Variants in KCNAB1 observed in about 807,000 individuals in gnomAD.
KCNAB1 encodes voltage-gated potassium channel subunit beta-1.
In KCNAB1, 35 loss-of-function variants were observed where a neutral mutation model predicts 64.6. The observed-to-expected ratio is 0.54, with a 90% CI of 0.41 to 0.72. The LOEUF (loss-of-function observed/expected upper bound fraction) is 0.72, where lower values mean the gene tolerates loss of function less well. Among genes scored for constraint, KCNAB1 ranks in the 30% least tolerant of loss-of-function variants. KCNAB1 has a pLI of 0.00. For synonymous variants in KCNAB1, 177 were observed against 183.8 expected (o/e 0.96, Z 0.30); for missense variants, 401 against 512.9 (o/e 0.78, Z 2.11).
intron 1 of KCNAB1, among the ~76,000 whole-genome samples, chr3:156,386,659 C>A (rs905984802): frequency 8.5e-5 from 13 of 152,218 alleles, no homozygotes; most frequent in African/African-American, 3.1e-4. Flanking sequence ...TGTCTAACTA[C>A]CTGTAACATG....
At chr3:156,258,831 A>C (rs1417950333) in intron 1 of KCNAB1, among the ~76,000 whole-genome samples, 1 of 152,198 alleles carries the variant, frequency 6.6e-6, no homozygotes, top group African/African-American at 2.4e-5. Flanking sequence ...ACAGACAACT[A>C]TATTGCTATA....
At chr3:156,354,120 G>GTATGTATATATA (rs1553851348) in intron 1 of KCNAB1, among the ~76,000 whole-genome samples, 7 of 132,562 alleles carry the variant, frequency 5.3e-5, no homozygotes, top group Non-Finnish European at 1.1e-4. Flanking sequence ...ATGTGTGTGT[G>GTATGTATATATA]TATATATATA....
intron 1 of KCNAB1, among the ~76,000 whole-genome samples, chr3:156,201,983 G>T (rs370915201): frequency 6.6e-6 from 1 of 152,118 alleles, no homozygotes; most frequent in African/African-American, 2.4e-5. Context: ...CCACAGAGGC[G>T]AGCAGACCAA....
At chr3:156,154,516 A>G (rs1482417912) in intron 1 of KCNAB1, among the ~76,000 whole-genome samples, 1 of 152,172 alleles carries the variant, frequency 6.6e-6, no homozygotes, top group Non-Finnish European at 1.5e-5. Context: ...CCTCCTAGAT[A>G]AATGCGCCAG....
intron 1 of KCNAB1, among the ~76,000 whole-genome samples, chr3:156,339,033 G>A (rs1576745535): frequency 1.3e-5 from 2 of 152,180 alleles, no homozygotes; most frequent in South Asian, 2.1e-4. Context: ...CCAGCAAGGG[G>A]CATGGCAAGG....
intron 1 of KCNAB1, among the ~76,000 whole-genome samples, chr3:156,392,610 T>A (rs1365200332): frequency 3.9e-5 from 6 of 152,232 alleles, no homozygotes; most frequent in Non-Finnish European, 5.9e-5. Flanking sequence ...AAGTATAATA[T>A]GTGGTGTACA....
intron 1 of KCNAB1, among the ~76,000 whole-genome samples, chr3:156,380,790 G>A (rs550918500): frequency 1.3e-5 from 2 of 152,258 alleles, no homozygotes; most frequent in East Asian, 3.9e-4. Flanking sequence ...TACATAAGAT[G>A]CTAAAGGCAC....
intron 8 of KCNAB1, among the ~76,000 whole-genome samples, chr3:156,496,426 C>G (rs150439654): frequency 2.0e-5 from 3 of 152,116 alleles, no homozygotes; most frequent in Non-Finnish European, 4.4e-5. Context: ...CCTGCACATG[C>G]TCTTTTGCCT....
chr3:156,512,265 A>G (rs964413381), intron 8 of KCNAB1, among the ~76,000 whole-genome samples: 51 of 152,206 alleles, frequency 3.4e-4, no homozygotes, highest in African/African-American at 9.6e-4. Context: ...TAAGCTTTTA[A>G]TACTTGTGTG....
At chr3:156,141,094 CTG>C (rs1714679893) in intron 1 of KCNAB1, among the ~76,000 whole-genome samples, 1 of 151,482 alleles carries the variant, frequency 6.6e-6, no homozygotes, top group Non-Finnish European at 1.5e-5. Context: ...TTTGAGATAA[CTG>C]TTTATTCATA....
At chr3:156,171,636 C>A (rs1711997810) in intron 1 of KCNAB1, among the ~76,000 whole-genome samples, 1 of 152,132 alleles carries the variant, frequency 6.6e-6, no homozygotes, top group Non-Finnish European at 1.5e-5. Flanking sequence ...CTTTAAGAAG[C>A]CAATTGCAAG....
intron 8 of KCNAB1, among the ~76,000 whole-genome samples, chr3:156,488,410 A>G (rs1335669868): frequency 6.6e-6 from 1 of 152,086 alleles, no homozygotes; most frequent in Non-Finnish European, 1.5e-5. Flanking sequence ...AGTCAGGTGA[A>G]TAGCCATAAG....
rs573968692 is a variant in KCNAB1, at chr3:156,125,403, A to G, written c.275+4517A>G. ...TAAGAGACCTTTGTGTGTCCTCACC[A>G]AAAGCTTTTTAAGGATTTATAGGAT... On this transcript the variant is annotated intron_variant, in intron 1 of 13. Transcript: ENST00000490337. Among the ~76,000 whole-genome samples the G allele has an allele frequency of 6.6e-5, 10 of 152,308 alleles. No individual in the cohort carries two copies. In the South Asian group the frequency reaches 1.9e-3, roughly 28 times the overall value.
chr3:156,397,369 AC>A, intron 1 of KCNAB1, among the ~76,000 whole-genome samples: 1 of 152,330 alleles, frequency 6.6e-6, no homozygotes, highest in East Asian at 1.9e-4. Flanking sequence ...GTACCTGGAT[AC>A]CTACCATGCA....
chr3:156,379,638 A>G (rs1247159242), intron 1 of KCNAB1, among the ~76,000 whole-genome samples: 1 of 152,184 alleles, frequency 6.6e-6, no homozygotes, highest in Non-Finnish European at 1.5e-5. Context: ...GAACAAGGGG[A>G]GAAGAGTAGA....
intron 1 of KCNAB1, among the ~76,000 whole-genome samples, chr3:156,347,186 C>G (rs1016092359): frequency 2.0e-5 from 3 of 152,058 alleles, no homozygotes; most frequent in Non-Finnish European, 4.4e-5. Context: ...GCCTCAAGTA[C>G]CAGATAAAGA....
At chr3:156,288,514 T>C (rs186027057) in intron 1 of KCNAB1, among the ~76,000 whole-genome samples, 35 of 152,326 alleles carry the variant, frequency 2.3e-4, no homozygotes, top group Non-Finnish European at 4.9e-4. Context: ...CACAAACTTA[T>C]TAGGAATGAG....
intron 1 of KCNAB1, among the ~76,000 whole-genome samples, chr3:156,376,631 A>G (rs1437062298): frequency 2.6e-5 from 4 of 152,208 alleles, no homozygotes; most frequent in Admixed American, 6.5e-5. Flanking sequence ...GGAATAATAC[A>G]GGGAAAGAAG....
At position 156,139,584 on chromosome 3, in the gene KCNAB1, G is replaced by GTTTTTTTTTTTTTTT. The variant is rs386398329; in HGVS notation, c.275+18710_275+18724dup. ...TTTCTCCCTAACTCCATTGTACTGTGTTTTTTTTTTTTTTTTTTTTTTTTT... is the reference window on the plus strand; with the variant it reads ...TTTCTCCCTAACTCCATTGTACTGTGTTTTTTTTTTTTTTTTTTTTTTTTTTTTTTTTTTTTTTTT... On this transcript the variant is annotated intron_variant, in intron 1 of 13. Coordinates refer to ENST00000490337, the MANE Select transcript of KCNAB1 (RefSeq NM_172160.3). Among the ~76,000 whole-genome samples, 22 of 55,256 alleles carry GTTTTTTTTTTTTTTT rather than the reference G, an allele frequency of 4.0e-4. 2 individuals are homozygous for GTTTTTTTTTTTTTTT. The highest frequency in any genetic ancestry group is 1.4e-3 in the African/African-American group (18 of 13,224). 36.3% of individuals were successfully genotyped at this position (55,256 alleles called of 152,430 possible).
Sources: allele counts gnomAD v4.1 joint callset (sites outside exome capture counted in the v4.1 genomes callset), GRCh38; gene constraint gnomAD v4.1.1; transcripts MANE v1.5; gene names NCBI Gene and HGNC (gene_info 2026-07-23, HGNC 2026-07-21).